The following MSH3 variants were observed in gnomAD, a reference collection of about 807,000 sequenced individuals.
MSH3 encodes DNA mismatch repair protein Msh3.
Under a neutral mutation model 123.3 loss-of-function variants are expected in MSH3, and 106 were observed. The ratio of observed to expected loss-of-function variants is 0.86; its 90% CI spans 0.73 to 1.01. The LOEUF (loss-of-function observed/expected upper bound fraction) is 1.01. MSH3 is among the 50% of genes least tolerant of loss of function. MSH3 has a pLI of 0.00. For missense variants in MSH3, 1,459 were observed against 1,347.6 expected (o/e 1.08, Z -1.29); for synonymous variants, 515 against 481.4 (o/e 1.07, Z -0.91).
At chr5:80,745,183 A>G (rs182275146) in intron 12 of MSH3, among the ~76,000 whole-genome samples, 1 of 152,362 alleles carries the variant, frequency 6.6e-6, no homozygotes, top group African/African-American at 2.4e-5. Context: ...TTGTCTGCAC[A>G]TCGGAATCAC....
chr5:80,843,111 G>T (rs1198707012), intron 20 of MSH3, among the ~76,000 whole-genome samples: 1 of 152,100 alleles, frequency 6.6e-6, no homozygotes, highest in African/African-American at 2.4e-5. Context: ...TTTTTAGCTT[G>T]AGGGGCTATT....
intron 13 of MSH3, 124 bp downstream of exon 13, chr5:80,761,802 C>T (rs996162349): frequency 4.8e-6 from 5 of 1,047,256 alleles, no homozygotes; most frequent in African/African-American, 1.6e-5. Context: ...AAATAGCATG[C>T]GAGAGTAGCT....
intron 3 of MSH3, among the ~76,000 whole-genome samples, chr5:80,666,130 G>T (rs1385216163): frequency 6.6e-6 from 1 of 152,138 alleles, no homozygotes. Context: ...TGCGATTATA[G>T]TTCACTGTAG....
Position 80,864,805 on chromosome 5 carries a change from T to A in MSH3, c.3001-8T>A, listed in dbSNP as rs1580098561. ...TGAAATAACATTTATTCTGTCTTAT[T>A]GCTTTAGGTGAAATCCTTAACCCTG... On this transcript the variant is annotated splice_region_variant and splice_polypyrimidine_tract_variant and intron_variant, in intron 21 of 23. Coordinates refer to ENST00000265081, the MANE Select transcript of MSH3 (RefSeq NM_002439.5). 8 of 1,607,668 alleles carry A rather than the reference T, an allele frequency of 5.0e-6. No individual in the cohort carries two copies. The highest frequency in any genetic ancestry group is 6.0e-6 in the Non-Finnish European group (7 of 1,174,310).
intron 20 of MSH3, among the ~76,000 whole-genome samples, chr5:80,846,555 G>A (rs1745725427): frequency 6.6e-6 from 1 of 152,044 alleles, no homozygotes; most frequent in Non-Finnish European, 1.5e-5. Flanking sequence ...ACTGTGGTGG[G>A]CTCTGCCCAG....
At chr5:80,658,035 C>CTTT (rs1554066333) in intron 2 of MSH3, among the ~76,000 whole-genome samples, 1 of 87,218 alleles carries the variant, frequency 1.1e-5, no homozygotes, top group Admixed American at 1.2e-4. Context: ...GCTTTTTGCC[C>CTTT]TCTTTTTTTT....
At chr5:80,773,598 A>G (rs1300874691) in intron 15 of MSH3, among the ~76,000 whole-genome samples, 1 of 152,232 alleles carries the variant, frequency 6.6e-6, no homozygotes, top group African/African-American at 2.4e-5. Flanking sequence ...TGTTATTAAT[A>G]TGAACATTAT....
At chr5:80,843,643 A>G (rs1745666692) in intron 20 of MSH3, among the ~76,000 whole-genome samples, 1 of 152,108 alleles carries the variant, frequency 6.6e-6, no homozygotes, top group South Asian at 2.1e-4. Flanking sequence ...CATGGAGTAT[A>G]TGTCCTGGAA....
At chr5:80,748,229 T>C (rs1414645401) in intron 12 of MSH3, among the ~76,000 whole-genome samples, 1 of 152,210 alleles carries the variant, frequency 6.6e-6, no homozygotes, top group African/African-American at 2.4e-5. Flanking sequence ...TTTTATCTTG[T>C]TCTAGCTCTT....
chr5:80,763,006 C>T (rs890067339), intron 13 of MSH3, among the ~76,000 whole-genome samples: 2 of 151,968 alleles, frequency 1.3e-5, no homozygotes, highest in African/African-American at 4.8e-5. Flanking sequence ...GCCACTATGC[C>T]TGGCTAATTT....
intron 8 of MSH3, among the ~76,000 whole-genome samples, chr5:80,705,836 AT>A (rs1750711572): frequency 6.6e-6 from 1 of 152,140 alleles, no homozygotes; most frequent in Non-Finnish European, 1.5e-5. Context: ...CACCGGTCAT[AT>A]TGGATTAGGG....
chr5:80,793,674 AGAT>A (rs910603133), intron 19 of MSH3, among the ~76,000 whole-genome samples: 22 of 152,344 alleles, frequency 1.4e-4, no homozygotes, highest in African/African-American at 5.3e-4. Flanking sequence ...AGGAACTGAA[AGAT>A]GATGAGTAAG....
At chr5:80,691,716 A>G (rs1230471958) in intron 8 of MSH3, among the ~76,000 whole-genome samples, 2 of 149,662 alleles carry the variant, frequency 1.3e-5, no homozygotes, top group Non-Finnish European at 3.0e-5. Flanking sequence ...TATTTGCCCT[A>G]TCAAAACTCA....
At chr5:80,712,707 T>A (rs1750883050) in intron 8 of MSH3, among the ~76,000 whole-genome samples, 1 of 152,292 alleles carries the variant, frequency 6.6e-6, no homozygotes, top group African/African-American at 2.4e-5. Context: ...TTTTGTGTTA[T>A]ATTTTCTATT....
chr5:80,704,569 A>T (rs1313403812), intron 8 of MSH3, among the ~76,000 whole-genome samples: 1 of 152,100 alleles, frequency 6.6e-6, no homozygotes, highest in African/African-American at 2.4e-5. Flanking sequence ...TGGAGTGATT[A>T]TGGTGCTTTT....
At chr5:80,777,753 C>T (rs1198223839) in intron 16 of MSH3, among the ~76,000 whole-genome samples, 1 of 152,100 alleles carries the variant, frequency 6.6e-6, no homozygotes, top group African/African-American at 2.4e-5. Flanking sequence ...AGCAACTTGG[C>T]AAATTAAAGT....
At position 80,858,698 on chromosome 5, in the gene MSH3, C is replaced by A. The variant is rs74676640; in HGVS notation, c.3000+4382C>A. On this transcript the variant is annotated intron_variant, in intron 21 of 23. Transcript: ENST00000265081. Reference sequence around the variant, plus strand: ...TGTATTCAGCTGTTGGTTGAAGTATCTATAGATATAAATGATGTCTAGTTG... The same window carrying A: ...TGTATTCAGCTGTTGGTTGAAGTATATATAGATATAAATGATGTCTAGTTG... Among the ~76,000 whole-genome samples, 498 of 152,142 alleles carry A rather than the reference C, an allele frequency of 3.3e-3. 19 individuals carry two copies. The East Asian group carries it at 0.085, about 26-fold the overall frequency.
At chr5:80,836,292 G>T (rs1282344228) in intron 20 of MSH3, among the ~76,000 whole-genome samples, 1 of 152,100 alleles carries the variant, frequency 6.6e-6, no homozygotes, top group East Asian at 1.9e-4. Flanking sequence ...AAAAACAAAT[G>T]ATTCATTTCA....
In MSH3 at chr5:80,771,205, C is replaced by T. The variant is rs557985743; in HGVS notation, c.2253+2202C>T. On this transcript the variant is annotated intron_variant, in intron 15 of 23. Coordinates refer to ENST00000265081, the MANE Select transcript of MSH3 (RefSeq NM_002439.5). The stretch of plus-strand genomic sequence containing the variant: ...TTTTAATCAAATTCTGTTTTAAAAA[C>T]GACTACAGTGGCTCACACCTGTAAT... 3.3e-5 allele frequency among the ~76,000 whole-genome samples: 5 copies of T among 152,212 alleles called. No homozygotes were observed. The East Asian group carries it at 7.7e-4, about 23-fold the overall frequency.
Sources: gnomAD v4.1 joint callset for allele counts (sites outside exome capture counted in the v4.1 genomes callset) on GRCh38, gnomAD v4.1.1 for gene constraint, MANE v1.5 for transcripts, NCBI Gene and HGNC (gene_info 2026-07-23, HGNC 2026-07-21) for gene names.